Variants in AMOTL1 observed in about 807,000 individuals in gnomAD.
The protein encoded by AMOTL1 is angiomotin like 1, also known as angiomotin-like protein 1.
AMOTL1 carries 45 observed loss-of-function variants against 102.9 expected under a neutral mutation model. That is an observed-to-expected ratio of 0.44 (90% CI 0.34 to 0.56). The LOEUF is 0.56. AMOTL1 is among the 20% of genes least tolerant of loss of function. The pLI, the probability that AMOTL1 is intolerant of heterozygous loss-of-function variation, is 0.01. For synonymous variants in AMOTL1, 481 were observed against 484.7 expected, an observed-to-expected ratio of 0.99 and a Z score of 0.10; for missense variants, 1,114 against 1,225.6, an observed-to-expected ratio of 0.91 and a Z score of 1.36.
At chr11:94,821,871 C>T (rs1414362409) in intron 4 of AMOTL1, 50 bp downstream of exon 4, 12 of 1,590,094 alleles carry the variant, frequency 7.5e-6, no homozygotes, top group Non-Finnish European at 1.0e-5. Context: ...TTTACCTGGT[C>T]ATGGGGAGTT....
intron 1 of AMOTL1, among the ~76,000 whole-genome samples, chr11:94,787,776 A>T (rs1951218222): frequency 6.6e-6 from 1 of 151,848 alleles, no homozygotes. Context: ...ACAATTGCTT[A>T]AAAAAATAAG....
intron 3 of AMOTL1, among the ~76,000 whole-genome samples, chr11:94,800,651 T>G (rs1951459978): frequency 6.6e-6 from 1 of 152,200 alleles, no homozygotes; most frequent in Non-Finnish European, 1.5e-5. Context: ...TGGAACATAT[T>G]ATTACCAGAG....
chr11:94,861,811 G>A (rs2135732044), intron 9 of AMOTL1, among the ~76,000 whole-genome samples: 1 of 152,254 alleles, frequency 6.6e-6, no homozygotes, highest in South Asian at 2.1e-4. Context: ...TGGGATCCTG[G>A]GCCCTGAGGG....
intron 6 of AMOTL1, among the ~76,000 whole-genome samples, chr11:94,841,941 G>A (rs1358772161): frequency 6.6e-6 from 1 of 152,188 alleles, no homozygotes; most frequent in Admixed American, 6.5e-5. Flanking sequence ...TCCTACCTGA[G>A]ATATTTTACT....
intron 3 of AMOTL1, among the ~76,000 whole-genome samples, chr11:94,747,513 G>A (rs1950603575): frequency 6.6e-6 from 1 of 152,200 alleles, no homozygotes; most frequent in Non-Finnish European, 1.5e-5. Context: ...GACAAATTAT[G>A]ACATTTGTAT....
chr11:94,803,692 C>T (rs2135580820), intron 3 of AMOTL1, among the ~76,000 whole-genome samples: 1 of 152,306 alleles, frequency 6.6e-6, no homozygotes, highest in East Asian at 1.9e-4. Flanking sequence ...CTTATGCAAT[C>T]TGCACTGTTA....
intron 3 of AMOTL1, among the ~76,000 whole-genome samples, chr11:94,754,217 GA>G (rs1160897109): frequency 6.6e-6 from 1 of 152,174 alleles, no homozygotes; most frequent in African/African-American, 2.4e-5. Flanking sequence ...CAGAGAAGAG[GA>G]ACCCGACTCA....
At chr11:94,792,046 G>C (rs185851455) in intron 1 of AMOTL1, among the ~76,000 whole-genome samples, 167 of 152,296 alleles carry the variant, frequency 1.1e-3, no homozygotes, top group African/African-American at 3.8e-3. Context: ...AAGTGAGAAA[G>C]CTAGCAGTTA....
In AMOTL1 at chr11:94,751,478, G is replaced by A. The variant is rs60295904; in HGVS notation, c.136+10490G>A. Among the ~76,000 whole-genome samples the A allele has an allele frequency of 9.7e-3, 1,470 of 152,070 alleles. 24 individuals are homozygous for A. Among genetic ancestry groups the A allele is most frequent in the African/African-American group, 0.033 (1,377 of 41,452 alleles). On this transcript the variant is annotated intron_variant, in intron 3 of 4. Transcript: ENST00000299004. ...GCAGCAGCACAATTTGGGGCGAGGCGGTAGAAGCCTAAGGAGAATACAAAA... is the reference window on the plus strand; with the variant it reads ...GCAGCAGCACAATTTGGGGCGAGGCAGTAGAAGCCTAAGGAGAATACAAAA...
intron 1 of AMOTL1, among the ~76,000 whole-genome samples, chr11:94,785,888 A>C (rs1951179644): frequency 6.6e-6 from 1 of 152,168 alleles, no homozygotes; most frequent in African/African-American, 2.4e-5. Flanking sequence ...TTGTTCAAAA[A>C]ATATTAAGTA....
chr11:94,845,228 C>A (rs1317408563), intron 6 of AMOTL1, among the ~76,000 whole-genome samples: 1 of 152,204 alleles, frequency 6.6e-6, no homozygotes, highest in Non-Finnish European at 1.5e-5. Flanking sequence ...CCACTTGGAA[C>A]CTTACCCAGA....
rs1241610637 is a variant in AMOTL1, at chr11:94,872,640, C to G, written c.*1845C>G. ...CGACAGAGGAGTGGGAACTGGCCCT[C>G]TGGGGCTCTGCTTGGCCATAGGCAC... On this transcript the variant is annotated 3_prime_UTR_variant, in exon 13 of 13. Coordinates refer to ENST00000433060, the MANE Select transcript of AMOTL1 (RefSeq NM_130847.3). 1 of 152,302 alleles carries G rather than the reference C, an allele frequency of 6.6e-6. No individual in the cohort carries two copies. Among genetic ancestry groups the G allele is most frequent in the African/African-American group, 2.4e-5 (1 of 41,450 alleles). The allele number at this position is 152,302 out of a possible 1,614,324, so 9.4% of individuals were successfully genotyped here. A position where few individuals can be genotyped will look rare whatever the true frequency, so the allele number is the denominator to read the frequency against.
At chr11:94,809,884 A>T (rs1163302767) in intron 3 of AMOTL1, among the ~76,000 whole-genome samples, 1 of 152,218 alleles carries the variant, frequency 6.6e-6, no homozygotes, top group African/African-American at 2.4e-5. Context: ...TGATTTAAGC[A>T]CTTTTTCCTT....
chr11:94,831,305 T>G (rs1028433313), intron 5 of AMOTL1, 147 bp from the exon 6 acceptor site: 1 of 569,378 alleles, frequency 1.8e-6, no homozygotes, highest in African/African-American at 1.9e-5. Context: ...TGGGACATAG[T>G]TACTGTCTGT....
Position 94,853,934 on chromosome 11 carries a change from T to C in AMOTL1, c.1796T>C (p.Leu599Ser), listed in dbSNP as rs755345964. Residue 599 changes from leucine to serine, a missense_variant and splice_region_variant, in exon 8 of 13, where the codon TTA becomes TCA. Coordinates refer to ENST00000433060, the MANE Select transcript of AMOTL1 (RefSeq NM_130847.3). ...QARVIKLEEE[L>S]REKQAYVEKV... ...TCTTTTTTACTCTTCTCCACTCAGT[T>C]ACGAGAGAAGCAAGCATATGTTGAG... 4 of 1,608,018 alleles carry C rather than the reference T, an allele frequency of 2.5e-6. No homozygotes were observed. The Admixed American group carries it at 6.8e-5, about 27-fold the overall frequency.
chr11:94,850,174 C>A lies in AMOTL1; in HGVS notation c.1709C>A (p.Ala570Glu). 1.3e-6 allele frequency: 2 copies of A among 1,591,726 alleles called. No homozygotes were observed. The highest frequency in any genetic ancestry group is 1.7e-6 in the Non-Finnish European group (2 of 1,168,770). ...ATGGAGTTAGCAGCAGTGCGGACTGCAAGTGAGGACCATCGGAGACACATC... is the reference window on the plus strand; with the variant it reads ...ATGGAGTTAGCAGCAGTGCGGACTGAAAGTGAGGACCATCGGAGACACATC... The part of the protein sequence containing the change: ...LEMELAAVRT[A>E]SEDHRRHIEI... The change falls in exon 7 of 13, where the codon GCA becomes GAA. Residue 570 changes from alanine to glutamate, a missense_variant. Physicochemically the swap from Ala to Glu is moderately radical, Grantham distance 107. Coordinates refer to ENST00000433060, the MANE Select transcript of AMOTL1 (RefSeq NM_130847.3).
intron 1 of AMOTL1, among the ~76,000 whole-genome samples, chr11:94,713,201 C>A (rs1017737737): frequency 1.8e-4 from 27 of 151,932 alleles, no homozygotes; most frequent in African/African-American, 6.0e-4. Context: ...TCTCCATTCT[C>A]TTCCATTGAT....
chr11:94,807,598 G>C lies in AMOTL1; in HGVS notation c.1121+7287G>C, dbSNP rs1358242657. Among the ~76,000 whole-genome samples the C allele has an allele frequency of 2.0e-5, 3 of 152,158 alleles. No individual in the cohort carries two copies. In the East Asian group the frequency reaches 5.8e-4, roughly 29 times the overall value. ...TCACTTGCAGTAATAGCTCCTTCCGGTCTTTTTTTCCTTTTGTAATAGTTC... is the reference window on the plus strand; with the variant it reads ...TCACTTGCAGTAATAGCTCCTTCCGCTCTTTTTTTCCTTTTGTAATAGTTC... On this transcript the variant is annotated intron_variant, in intron 3 of 12. Coordinates refer to ENST00000433060, the MANE Select transcript of AMOTL1 (RefSeq NM_130847.3).
intron 3 of AMOTL1, among the ~76,000 whole-genome samples, chr11:94,743,745 G>T (rs1213989010): frequency 1.5e-5 from 2 of 129,396 alleles, no homozygotes; most frequent in Admixed American, 1.0e-4. Context: ...TGCAACCTCT[G>T]TCTCCTGGGT....
Sources: gnomAD v4.1 joint callset for allele counts (sites outside exome capture counted in the v4.1 genomes callset) on GRCh38, gnomAD v4.1.1 for gene constraint, MANE v1.5 for transcripts, NCBI Gene and HGNC (gene_info 2026-07-23, HGNC 2026-07-21) for gene names.